Variants in UPK3A observed in about 807,000 individuals in gnomAD.
UPK3A encodes the protein uroplakin-3a.
UPK3A carries 32 observed loss-of-function variants against 27.6 expected under a neutral mutation model. That is an observed-to-expected ratio of 1.16 (90% CI 0.87 to 1.55). UPK3A has a LOEUF of 1.55. Ranked by LOEUF, UPK3A falls within the 40% of genes most tolerant of loss-of-function variation. The pLI is 0.00. For missense variants in UPK3A, 370 were observed against 367.9 expected (o/e 1.01, Z -0.05); for synonymous variants, 171 against 163.9 (o/e 1.04, Z -0.33).
chr22:45,290,319 C>T (rs531421310), intron 4 of UPK3A, among the ~76,000 whole-genome samples: 68 of 152,298 alleles, frequency 4.5e-4, no homozygotes, highest in African/African-American at 1.5e-3. Flanking sequence ...GTGTCAGGGT[C>T]CTGTGCATTT....
chr22:45,291,495 TGTGA>T (rs980443059), intron 4 of UPK3A, among the ~76,000 whole-genome samples: 18 of 148,916 alleles, frequency 1.2e-4, no homozygotes, highest in Admixed American at 1.2e-3. Flanking sequence ...GTGTGTGGTG[TGTGA>T]GTGTGAGAGT....
Position 45,295,819 on chromosome 22 carries a change from G to C in UPK3A, c.*100G>C. 6.9e-7 allele frequency: 1 copy of C among 1,443,542 alleles called. No homozygotes were observed. The highest frequency in any genetic ancestry group is 1.4e-5 in the African/African-American group (1 of 70,924). The allele number at this position is 1,443,542 out of a possible 1,614,324, so 89.4% of individuals were successfully genotyped here. On this transcript the variant is annotated 3_prime_UTR_variant, in exon 6 of 6. Coordinates refer to ENST00000216211, the MANE Select transcript of UPK3A (RefSeq NM_006953.4). ...CCCTGACTTCAGGGAAGGTGAAACA[G>C]GGCTTGTCCCTCCAACTGCAGGAAA...
Position 45,289,078 on chromosome 22 carries a change from T to G in UPK3A, c.506T>G (p.Val169Gly). The part of the protein sequence containing the change: ...ATEYRFKYVL[V>G]NMSTGLVEDQ... The stretch of plus-strand genomic sequence containing the variant: ...CCTTCCAGGTTCAAGTATGTCCTGG[T>G]CAATATGTCCACGGGCTTGGTAGAG... Residue 169 changes from valine to glycine, a missense_variant, in exon 4 of 6, where the codon GTC (valine) becomes GGC (glycine). Coordinates refer to ENST00000216211, the MANE Select transcript of UPK3A (RefSeq NM_006953.4). 1 of 1,613,812 alleles carries G rather than the reference T, an allele frequency of 6.2e-7. No individual in the cohort carries two copies. The highest frequency in any genetic ancestry group is 8.5e-7 in the Non-Finnish European group (1 of 1,179,982).
chr22:45,294,417 C>G (rs904195091), intron 5 of UPK3A, among the ~76,000 whole-genome samples: 2 of 151,656 alleles, frequency 1.3e-5, no homozygotes, highest in South Asian at 2.1e-4. Context: ...TGGTACACCC[C>G]CCCCGGGAGA....
At chr22:45,289,251 G>A in intron 4 of UPK3A, 108 bp downstream of exon 4, 9 of 1,138,384 alleles carry the variant, frequency 7.9e-6, no homozygotes, top group Non-Finnish European at 1.2e-5. Context: ...AGCCTCCCAG[G>A]CCAGGCAGTG....
chr22:45,288,055 C>T (rs546671443), intron 3 of UPK3A, among the ~76,000 whole-genome samples: 3 of 152,252 alleles, frequency 2.0e-5, no homozygotes, highest in East Asian at 1.9e-4. Flanking sequence ...GGCCCATCTA[C>T]GTGTGTGGAA....
intron 4 of UPK3A, among the ~76,000 whole-genome samples, chr22:45,291,538 TG>T (rs1310695558): frequency 1.3e-5 from 2 of 149,662 alleles, no homozygotes; most frequent in Non-Finnish European, 3.0e-5. Flanking sequence ...GTGTGTTGTG[TG>T]GTGTGTTAGA....
intron 3 of UPK3A, 114 bp from the exon 4 acceptor site, chr22:45,288,947 A>C: frequency 1.0e-6 from 1 of 958,636 alleles, no homozygotes; most frequent in South Asian, 1.3e-5. Flanking sequence ...CGTCTCCTGG[A>C]AGGGCCCCCG....
chr22:45,295,012 A>T (rs545837089), intron 5 of UPK3A, among the ~76,000 whole-genome samples: 1 of 151,712 alleles, frequency 6.6e-6, no homozygotes, highest in East Asian at 1.9e-4. Context: ...ATTACAGGCG[A>T]CCATCACCAT....
At chr22:45,292,172 A>T (rs1284878371) in intron 4 of UPK3A, among the ~76,000 whole-genome samples, 1 of 152,134 alleles carries the variant, frequency 6.6e-6, no homozygotes, top group African/African-American at 2.4e-5. Context: ...GAGAAGAGGG[A>T]AGAAGAATTC....
At chr22:45,289,964 G>A (rs533918447) in intron 4 of UPK3A, among the ~76,000 whole-genome samples, 2 of 152,272 alleles carry the variant, frequency 1.3e-5, no homozygotes, top group East Asian at 1.9e-4. Flanking sequence ...CGGCATTTAC[G>A]TCCTAACCAG....
intron 5 of UPK3A, among the ~76,000 whole-genome samples, chr22:45,294,418 C>G (rs935704267): frequency 6.6e-6 from 1 of 151,718 alleles, no homozygotes; most frequent in Admixed American, 6.6e-5. Flanking sequence ...GGTACACCCC[C>G]CCCGGGAGAC....
At chr22:45,294,744 C>T (rs1417875619) in intron 5 of UPK3A, among the ~76,000 whole-genome samples, 1 of 152,072 alleles carries the variant, frequency 6.6e-6, no homozygotes, top group Non-Finnish European at 1.5e-5. Flanking sequence ...CTCTTGCTAT[C>T]CCCACTTTGT....
In UPK3A at chr22:45,285,063, C is replaced by G; in HGVS notation, c.50C>G (p.Ser17Trp). The G allele has an allele frequency of 1.3e-6, 2 of 1,536,166 alleles. No homozygotes were observed. Among genetic ancestry groups the G allele is most frequent in the Non-Finnish European group, 1.7e-6 (2 of 1,147,970 alleles). ...LLALGCLRFG[S>W]AVNLQPQLAS... ...GCCCTCGGCTGCCTGCGGTTCGGCT[C>G]GGGTAGGCGGTGAAGGGCAGGAGGG... is the stretch of plus-strand genomic sequence containing the variant. The change falls in exon 1 of 6, where the codon TCG (serine) becomes TGG (tryptophan). Residue 17 changes from serine (S) to tryptophan (W), a missense_variant and splice_region_variant. Transcript: ENST00000216211.
rs781428842 is a variant in UPK3A at position 45,287,471 on chromosome 22, T to C, written c.488+20T>C. 3.2e-6 allele frequency: 5 copies of C among 1,575,454 alleles called. No homozygotes were observed. The highest frequency in any genetic ancestry group is 4.3e-6 in the Non-Finnish European group (5 of 1,160,732). On this transcript the variant is annotated intron_variant, in intron 3 of 5. Transcript: ENST00000216211. ...GTACAGGTGGGTGTAAACAAACCAC[T>C]ACAGGAGAGCCGCGGCAGTTCCCCA...
chr22:45,292,711 C>T (rs544330783), intron 4 of UPK3A, among the ~76,000 whole-genome samples: 48 of 151,948 alleles, frequency 3.2e-4, no homozygotes, highest in African/African-American at 1.1e-3. Context: ...CAAGACCAGA[C>T]TGGGCAACAT....
In UPK3A at chr22:45,290,236, C is replaced by T. The variant is rs555714424; in HGVS notation, c.571+1093C>T. On this transcript the variant is annotated intron_variant, in intron 4 of 5. Coordinates refer to ENST00000216211, the MANE Select transcript of UPK3A (RefSeq NM_006953.4). ...CAGGGTCTTTGATGGTAATTTTGGG[C>T]AAATGATATCCTAACTTAAGACCTC... Among the ~76,000 whole-genome samples, 5 of 152,212 alleles carry T rather than the reference C, an allele frequency of 3.3e-5. No homozygotes were observed. The South Asian group carries it at 8.3e-4, about 25-fold the overall frequency.
chr22:45,293,364 A>T, intron 5 of UPK3A, 51 bp downstream of exon 5: 5 of 1,609,920 alleles, frequency 3.1e-6, no homozygotes, highest in Non-Finnish European at 4.2e-6. Flanking sequence ...TGCCAGACAC[A>T]TTTGGCTCAC....
chr22:45,288,992 C>T (rs2084139611), intron 3 of UPK3A, 69 bp from the exon 4 acceptor site: 2 of 1,523,780 alleles, frequency 1.3e-6, no homozygotes, highest in Admixed American at 1.7e-5. Flanking sequence ...TCCTACATCC[C>T]CCCACCGCCT....
Sources: gnomAD v4.1 joint callset for allele counts (sites outside exome capture counted in the v4.1 genomes callset) on GRCh38, gnomAD v4.1.1 for gene constraint, MANE v1.5 for transcripts, NCBI Gene and HGNC (gene_info 2026-07-23, HGNC 2026-07-21) for gene names.